TNPO3: variants seen among roughly 807,000 people sequenced by gnomAD.
The protein encoded by TNPO3 is transportin 3.
Under a neutral mutation model 122.8 loss-of-function variants are expected in TNPO3, and 65 were observed. The ratio of observed to expected loss-of-function variants is 0.53; its 90% CI spans 0.43 to 0.65. The LOEUF (loss-of-function observed/expected upper bound fraction) is 0.65, where lower values mean the gene tolerates loss of function less well. Ranked by LOEUF, TNPO3 falls within the 30% of genes least tolerant of loss-of-function variation. TNPO3 has a pLI of 0.00. For missense variants in TNPO3, 850 were observed against 1,136.7 expected, an observed-to-expected ratio of 0.75 and a Z score of 3.63; for synonymous variants, 372 against 411.2, an observed-to-expected ratio of 0.90 and a Z score of 1.15.
chr7:129,025,535 A>AGAAAAGCT (rs1805043270), intron 1 of TNPO3, among the ~76,000 whole-genome samples: 1 of 152,148 alleles, frequency 6.6e-6, no homozygotes, highest in Admixed American at 6.5e-5. Flanking sequence ...AAATGGTACA[A>AGAAAAGCT]GAAAAGCTTC....
rs145784431 is a variant in TNPO3, at chr7:129,008,240, C to A, written c.553-3081G>T. 5.1e-3 allele frequency among the ~76,000 whole-genome samples: 767 copies of A among 149,784 alleles called. 4 individuals are homozygous for A. Among genetic ancestry groups the A allele is most frequent in the South Asian group, 0.024 (114 of 4,700 alleles). On this transcript the variant is annotated intron_variant, in intron 4 of 22. Coordinates refer to ENST00000265388, the MANE Select transcript of TNPO3 (RefSeq NM_012470.4). The stretch of plus-strand genomic sequence containing the variant: ...ATTTGTAAAAAGTCATCAGAGCCTG[C>A]GTGCAGTGGCTCACACCTGTAATCC...
At chr7:128,999,613 C>CTT (rs146907593) in intron 7 of TNPO3, among the ~76,000 whole-genome samples, 17 of 139,270 alleles carry the variant, frequency 1.2e-4, no homozygotes, top group South Asian at 1.2e-3. Flanking sequence ...TTCTTTCTCA[C>CTT]TTTTTTTTTT....
chr7:128,987,483 A>G (rs1471999624), intron 11 of TNPO3, among the ~76,000 whole-genome samples: 1 of 152,224 alleles, frequency 6.6e-6, no homozygotes, highest in Non-Finnish European at 1.5e-5. Context: ...AAGAAAGTTT[A>G]TCATAAAGTT....
intron 1 of TNPO3, among the ~76,000 whole-genome samples, chr7:129,045,307 T>C (rs1360718987): frequency 6.6e-6 from 1 of 152,122 alleles, no homozygotes; most frequent in African/African-American, 2.4e-5. Context: ...AATGTCAATG[T>C]ATGTAATACC....
intron 1 of TNPO3, among the ~76,000 whole-genome samples, chr7:129,018,949 C>A (rs1056453056): frequency 6.6e-6 from 1 of 152,182 alleles, no homozygotes; most frequent in African/African-American, 2.4e-5. Flanking sequence ...GAACTCCTGA[C>A]CTCAGGTGAT....
chr7:128,992,417 A>T (rs1222863138), intron 9 of TNPO3, among the ~76,000 whole-genome samples: 2 of 152,144 alleles, frequency 1.3e-5, no homozygotes, highest in African/African-American at 4.8e-5. Flanking sequence ...ATACATAAAC[A>T]CACTTAAAAT....
intron 10 of TNPO3, chr7:128,990,304 A>G (rs1800621241): frequency 3.0e-6 from 2 of 656,994 alleles, no homozygotes; most frequent in Non-Finnish European, 5.4e-6. Context: ...TGTTTCAGGA[A>G]AAGCATACTG....
In TNPO3 at chr7:128,997,403, G is replaced by C. The variant is rs1801447731; in HGVS notation, c.1144C>G (p.Leu382Val). ...LLHALARHCQ[L>V]EPDHEGVPEE... The stretch of plus-strand genomic sequence containing the variant: ...AGGGAACTTACATGGTCTGGTTCCA[G>C]CTGGCAGTGTCGAGCCAAGGCGTGA... Residue 382 changes from leucine (L) to valine (V), a missense_variant, in exon 8 of 23, where the codon CTG becomes GTG. Leu to Val is a conservative substitution (Grantham distance 32). Coordinates refer to ENST00000265388, the MANE Select transcript of TNPO3 (RefSeq NM_012470.4). 1 of 1,614,180 alleles carries C rather than the reference G, an allele frequency of 6.2e-7. No homozygotes were observed. Among genetic ancestry groups the C allele is most frequent in the Non-Finnish European group, 8.5e-7 (1 of 1,180,012 alleles).
At chr7:128,979,709 C>G (rs1480086240) in intron 15 of TNPO3, among the ~76,000 whole-genome samples, 1 of 152,158 alleles carries the variant, frequency 6.6e-6, no homozygotes, top group African/African-American at 2.4e-5. Context: ...ATCAGGCCTC[C>G]TAGTAACTCT....
rs79555518 is a variant in TNPO3, at chr7:128,976,482, T to A, written c.2062-547A>T. The stretch of plus-strand genomic sequence containing the variant: ...TTAACACAATATGCACATTATTATT[T>A]TTTTTTTAAGAGACTGGGTTTCGCT... On this transcript the variant is annotated intron_variant, in intron 16 of 22. Transcript: ENST00000265388. 6.4e-3 allele frequency among the ~76,000 whole-genome samples: 978 copies of A among 152,236 alleles called. 5 individuals carry two copies. Among genetic ancestry groups the A allele is most frequent in the Non-Finnish European group, 0.01 (694 of 68,004 alleles).
intron 16 of TNPO3, among the ~76,000 whole-genome samples, chr7:128,978,524 G>A (rs1161216020): frequency 6.6e-6 from 1 of 152,206 alleles, no homozygotes; most frequent in Non-Finnish European, 1.5e-5. Flanking sequence ...CTATACAGAA[G>A]CGATTTTAGG....
At chr7:128,960,906 C>T (rs1797383783) in intron 21 of TNPO3, among the ~76,000 whole-genome samples, 2 of 151,966 alleles carry the variant, frequency 1.3e-5, no homozygotes, top group African/African-American at 4.8e-5. Context: ...ATTACAAGTG[C>T]CCACCACCAC....
At chr7:128,975,657 A>G (rs1478086472) in intron 17 of TNPO3, among the ~76,000 whole-genome samples, 162 bp downstream of exon 17, 1 of 151,568 alleles carries the variant, frequency 6.6e-6, no homozygotes, top group Non-Finnish European at 1.5e-5. Context: ...AGGCCTGTTC[A>G]GAGAACAACT....
intron 1 of TNPO3, among the ~76,000 whole-genome samples, chr7:129,032,009 T>C (rs536433911): frequency 1.3e-5 from 2 of 152,244 alleles, no homozygotes; most frequent in African/African-American, 4.8e-5. Context: ...ATTGAAGGGA[T>C]TATACATCAT....
intron 14 of TNPO3, 77 bp downstream of exon 14, chr7:128,982,171 T>C: frequency 7.8e-7 from 1 of 1,279,166 alleles, no homozygotes; most frequent in Admixed American, 2.0e-5. Flanking sequence ...GAGGAAAAAA[T>C]ACTTGCTTAC....
intron 1 of TNPO3, among the ~76,000 whole-genome samples, chr7:129,046,446 C>T (rs566948632): frequency 6.6e-6 from 1 of 152,136 alleles, no homozygotes; most frequent in Non-Finnish European, 1.5e-5. Flanking sequence ...AGAAGGCTTT[C>T]CTTTCAAAAG....
intron 5 of TNPO3, 65 bp downstream of exon 5, chr7:129,004,951 T>G: frequency 6.6e-7 from 1 of 1,524,974 alleles, no homozygotes; most frequent in East Asian, 2.3e-5. Context: ...CGTTTTTATG[T>G]CCCAGCAGGT....
In TNPO3 at chr7:129,005,637, T is replaced by C. The variant is rs111753921; in HGVS notation, c.553-478A>G. ...CTCCTGCCGGCCGTGTGAACATGTG[T>C]CTGCTTCCCCTTCACCTTCCCCCAT... On this transcript the variant is annotated intron_variant, in intron 4 of 22. Transcript: ENST00000265388. 6.9e-3 allele frequency among the ~76,000 whole-genome samples: 1,051 copies of C among 152,136 alleles called. 14 individuals are homozygous for C. The highest frequency in any genetic ancestry group is 0.024 in the African/African-American group (1,016 of 41,510).
At chr7:129,017,932 C>A in intron 2 of TNPO3, 25 bp downstream of exon 2, 1 of 1,610,632 alleles carries the variant, frequency 6.2e-7, no homozygotes, top group Non-Finnish European at 8.5e-7. Context: ...ATACAAATTT[C>A]TCTAATGAGA....
Sources: allele counts gnomAD v4.1 joint callset (sites outside exome capture counted in the v4.1 genomes callset), GRCh38; gene constraint gnomAD v4.1.1; transcripts MANE v1.5; gene names NCBI Gene and HGNC (gene_info 2026-07-23, HGNC 2026-07-21).